The following SPAG17 variants were observed in gnomAD, a reference collection of about 807,000 sequenced individuals.
SPAG17 encodes the protein sperm associated antigen 17.
SPAG17 carries 169 observed loss-of-function variants against 273.6 expected under a neutral mutation model. The ratio of observed to expected loss-of-function variants is 0.62; its 90% CI spans 0.55 to 0.70. The LOEUF (loss-of-function observed/expected upper bound fraction) is 0.70, where lower values mean the gene tolerates loss of function less well. Ranked by LOEUF, SPAG17 falls within the 30% of genes least tolerant of loss-of-function variation. The probability of loss-of-function intolerance (pLI) is 0.00; values close to 1 mark genes in which losing one functional copy is unlikely to be tolerated. For synonymous variants in SPAG17, 825 were observed against 873.2 expected (o/e 0.94, Z 0.97); for missense variants, 2,557 against 2,627.8 (o/e 0.97, Z 0.59).
chr1:118,128,773 T>C (rs978207494), intron 3 of SPAG17, among the ~76,000 whole-genome samples: 1 of 152,182 alleles, frequency 6.6e-6, no homozygotes, highest in African/African-American at 2.4e-5. Flanking sequence ...AGACTAGAGG[T>C]TGCTGATTGC....
chr1:118,148,282 A>T (rs1288731285), intron 3 of SPAG17, among the ~76,000 whole-genome samples: 1 of 152,152 alleles, frequency 6.6e-6, no homozygotes, highest in Non-Finnish European at 1.5e-5. Flanking sequence ...GAAGCCACTG[A>T]CTTCGTGGTG....
At chr1:118,119,998 AC>A (rs1345460350) in intron 3 of SPAG17, among the ~76,000 whole-genome samples, 14 of 152,302 alleles carry the variant, frequency 9.2e-5, no homozygotes, top group African/African-American at 3.1e-4. Flanking sequence ...CATTTATTTA[AC>A]TAGCTCCCCA....
intron 34 of SPAG17, among the ~76,000 whole-genome samples, chr1:117,995,428 A>T (rs1657544412): frequency 6.6e-6 from 1 of 152,082 alleles, no homozygotes; most frequent in Non-Finnish European, 1.5e-5. Context: ...GCCAGTGTTT[A>T]GTACATGGTG....
intron 27 of SPAG17, 80 bp downstream of exon 27, chr1:118,025,158 G>T: frequency 7.7e-7 from 1 of 1,293,848 alleles, no homozygotes; most frequent in Non-Finnish European, 1.1e-6. Flanking sequence ...CCTTTTCCCT[G>T]TTATAGAACA....
At chr1:118,085,445 T>C (rs753793304) in intron 13 of SPAG17, among the ~76,000 whole-genome samples, 15 of 152,146 alleles carry the variant, frequency 9.9e-5, no homozygotes, top group Non-Finnish European at 1.9e-4. Context: ...GCAATGATGA[T>C]AAAAGAGTGC....
Position 118,086,839 on chromosome 1 carries a change from C to T in SPAG17, c.1497+32G>A, listed in dbSNP as rs773550826. ...AGAGAGGATCTATACTTTTCCAAAG[C>T]ATGAAGACTCTGCTATCTCAGGCTA... On this transcript the variant is annotated intron_variant, in intron 11 of 48. Coordinates refer to ENST00000336338, the MANE Select transcript of SPAG17 (RefSeq NM_206996.4). The T allele has an allele frequency of 1.9e-6, 3 of 1,614,048 alleles. No homozygotes were observed. In the African/African-American group the frequency reaches 4.0e-5, roughly 22 times the overall value.
At position 117,994,513 on chromosome 1, in the gene SPAG17, C is replaced by CCAGAGTCTTAAGTCTTCTCCCATATAT. The variant is rs773212209; in HGVS notation, c.5070_5071insATATATGGGAGAAGACTTAAGACTCTG (p.Thr1690_Val1691insIleTyrGlyArgArgLeuLysThrLeu). On this transcript the variant is annotated inframe_insertion, in exon 35 of 49. Transcript: ENST00000336338. ...GATGCTTCATGGAAAGGGCGAAGGA[C>CCAGAGTCTTAAGTCTTCTCCCATATAT]TGTGATGGTTAGGGTGCCTGGTTCA... 1 of 1,611,524 alleles carries CCAGAGTCTTAAGTCTTCTCCCATATAT rather than the reference C, an allele frequency of 6.2e-7. No homozygotes were observed. The highest frequency in any genetic ancestry group is 1.1e-5 in the South Asian group (1 of 90,760).
At chr1:117,994,031 T>C (rs183117539) in intron 35 of SPAG17, among the ~76,000 whole-genome samples, 1 of 152,228 alleles carries the variant, frequency 6.6e-6, no homozygotes, top group East Asian at 1.9e-4. Flanking sequence ...GGCACAAAAT[T>C]GTGTGTTAAA....
chr1:118,002,378 T>C (rs1012829590), intron 32 of SPAG17, among the ~76,000 whole-genome samples: 2 of 152,308 alleles, frequency 1.3e-5, no homozygotes, highest in East Asian at 3.9e-4. Context: ...TGGATATCCC[T>C]GTTAACCTTC....
At chr1:118,108,807 A>G (rs1656572378) in intron 4 of SPAG17, among the ~76,000 whole-genome samples, 1 of 152,186 alleles carries the variant, frequency 6.6e-6, no homozygotes, top group Non-Finnish European at 1.5e-5. Context: ...GTTAAGTTAC[A>G]TAGCATATGT....
intron 1 of SPAG17, among the ~76,000 whole-genome samples, chr1:118,180,627 A>G (rs1660897775): frequency 6.6e-6 from 1 of 152,116 alleles, no homozygotes; most frequent in Admixed American, 6.5e-5. Flanking sequence ...ACAAATATTT[A>G]AAGTGATGAA....
chr1:117,989,613 T>C (rs1427782265), intron 38 of SPAG17, among the ~76,000 whole-genome samples: 7 of 152,146 alleles, frequency 4.6e-5, no homozygotes, highest in Non-Finnish European at 1.0e-4. Flanking sequence ...TCTTGCTCTG[T>C]TGCACAGGCT....
intron 26 of SPAG17, among the ~76,000 whole-genome samples, chr1:118,026,299 G>A (rs187242814): frequency 6.6e-6 from 1 of 152,248 alleles, no homozygotes; most frequent in East Asian, 1.9e-4. Flanking sequence ...GCACTATTAT[G>A]GAGAAATTCT....
intron 3 of SPAG17, among the ~76,000 whole-genome samples, chr1:118,115,739 G>A (rs1657038717): frequency 6.6e-6 from 1 of 152,202 alleles, no homozygotes; most frequent in African/African-American, 2.4e-5. Context: ...AGAAAAGATA[G>A]GCTGGGCTCC....
intron 43 of SPAG17, 37 bp from the exon 44 acceptor site, chr1:117,973,598 A>AT: frequency 1.3e-6 from 2 of 1,587,194 alleles, no homozygotes; most frequent in Non-Finnish European, 1.7e-6. Context: ...CCACATGGAC[A>AT]TTTTATTCAA....
At position 117,972,038 on chromosome 1, in the gene SPAG17, A is replaced by T. The variant is rs1654618124; in HGVS notation, c.6151T>A (p.Ser2051Thr). The change falls in exon 45 of 49, where the codon TCT (serine) becomes ACT (threonine). Residue 2051 changes from serine (S) to threonine (T), a missense_variant. Physicochemically the swap from Ser to Thr is moderately conservative, Grantham distance 58 (BLOSUM62 1). Coordinates refer to ENST00000336338, the MANE Select transcript of SPAG17 (RefSeq NM_206996.4). Reference protein sequence around the residue: ...KSQPLAKVQDSVGGKVNTSSV... With the variant: ...KSQPLAKVQDTVGGKVNTSSV... ...GATGTGTTCACTTTTCCTCCAACAG[A>T]ATCTTGCACCTTTGCATTAAGAAAA... is the stretch of plus-strand genomic sequence containing the variant. 1.2e-6 allele frequency: 2 copies of T among 1,611,874 alleles called. No homozygotes were observed. The highest frequency in any genetic ancestry group is 2.2e-5 in the South Asian group (2 of 90,408).
At chr1:118,023,607 A>T in intron 27 of SPAG17, 144 bp from the exon 28 acceptor site, 1 of 574,156 alleles carries the variant, frequency 1.7e-6, no homozygotes, top group Non-Finnish European at 2.8e-6. Context: ...CAGCAGCACA[A>T]AGTAGATTAT....
At chr1:118,105,849 CAAAAAAGAAA>C (rs1656365974) in intron 4 of SPAG17, among the ~76,000 whole-genome samples, 1 of 98,322 alleles carries the variant, frequency 1.0e-5, no homozygotes, top group African/African-American at 4.6e-5. Context: ...TAAAAAACAT[CAAAAAAGAAA>C]AAAAAAGAAG....
intron 3 of SPAG17, among the ~76,000 whole-genome samples, chr1:118,125,245 A>ATATATTTTTT (rs146004766): frequency 0.013 from 1,928 of 150,804 alleles, 17 homozygotes; most frequent in African/African-American, 0.024. Context: ...ATATATATAT[A>ATATATTTTTT]TTTTTGACAT....
Sources: gnomAD v4.1 joint callset for allele counts (sites outside exome capture counted in the v4.1 genomes callset) on GRCh38, gnomAD v4.1.1 for gene constraint, MANE v1.5 for transcripts, NCBI Gene and HGNC (gene_info 2026-07-23, HGNC 2026-07-21) for gene names.